The following NUDT21 variants were observed in gnomAD, a reference collection of about 807,000 sequenced individuals.
NUDT21 encodes nudix hydrolase 21.
A neutral mutation model predicts 29.8 loss-of-function variants in NUDT21; 5 were observed. The observed-to-expected ratio is 0.17, with a 90% confidence interval of 0.09 to 0.35. The LOEUF (loss-of-function observed/expected upper bound fraction) is 0.35, where lower values mean the gene tolerates loss of function less well. NUDT21 is among the 10% of genes least tolerant of loss of function. The pLI, the probability that NUDT21 is intolerant of heterozygous loss-of-function variation, is 1.00. For synonymous variants in NUDT21, 113 were observed against 98.5 expected (o/e 1.15, Z -0.87); for missense variants, 76 against 276.0 (o/e 0.28, Z 5.13).
intron 1 of NUDT21, among the ~76,000 whole-genome samples, chr16:56,448,714 A>G (rs933959651): frequency 3.3e-5 from 5 of 152,194 alleles, no homozygotes; most frequent in African/African-American, 7.2e-5. Context: ...ATCTTGCCTA[A>G]TAAGGATCAA....
Position 56,451,090 on chromosome 16 carries a change from T to C in NUDT21, c.113A>G (p.Asn38Ser). ...GCCAAGGCCGCGCCGCACTTACAGG[T>C]TGATGGTGCGCTCCAGGGTGAGGGG... Reference protein sequence around the residue: ...TKPLTLERTINLYPLTNYTFG... With the variant: ...TKPLTLERTISLYPLTNYTFG... Residue 38 changes from asparagine (N) to serine (S), a missense_variant, in exon 1 of 7, where the codon AAC (asparagine) becomes AGC (serine). By Grantham distance (46) the Asn-to-Ser change is conservative. Transcript: ENST00000300291. 1 of 1,612,686 alleles carries C rather than the reference T, an allele frequency of 6.2e-7. No homozygotes were observed. The highest frequency in any genetic ancestry group is 8.5e-7 in the Non-Finnish European group (1 of 1,179,002).
intron 3 of NUDT21, among the ~76,000 whole-genome samples, chr16:56,445,650 C>T (rs1962210789): frequency 6.6e-6 from 1 of 152,154 alleles, no homozygotes; most frequent in South Asian, 2.1e-4. Context: ...CCTTCAGTTC[C>T]TCAGTCATTC....
chr16:56,430,556 GCA>G lies in NUDT21; in HGVS notation c.*2154_*2155del, dbSNP rs1962022578. ...AGCATTTAGTATGTAGATCTGGAAT[GCA>G]CAGTTTCTGGAAGTATTAGAACTTA... is the stretch of plus-strand genomic sequence containing the variant. On this transcript the variant is annotated 3_prime_UTR_variant, in exon 7 of 7. Transcript: ENST00000300291. The G allele has an allele frequency of 6.6e-6, 1 of 152,212 alleles. No individual in the cohort carries two copies. The highest frequency in any genetic ancestry group is 1.5e-5 in the Non-Finnish European group (1 of 68,030). 9.4% of individuals were successfully genotyped at this position (152,212 alleles called of 1,614,324 possible).
In NUDT21 at chr16:56,447,781, C is replaced by A; in HGVS notation, c.317+8G>T. The A allele has an allele frequency of 1.2e-6, 2 of 1,613,526 alleles. No homozygotes were observed. The highest frequency in any genetic ancestry group is 1.7e-6 in the Non-Finnish European group (2 of 1,179,454). ...ACTGTCTTGCTGTTAATTTCCAACA[C>A]TACTTACAGTTTGAAGAAAGTTGTT... is the stretch of plus-strand genomic sequence containing the variant. On this transcript the variant is annotated splice_region_variant and intron_variant, in intron 2 of 6. Coordinates refer to ENST00000300291, the MANE Select transcript of NUDT21 (RefSeq NM_007006.3).
chr16:56,442,081 C>G (rs1962165355), intron 3 of NUDT21, among the ~76,000 whole-genome samples: 1 of 152,116 alleles, frequency 6.6e-6, no homozygotes, highest in Non-Finnish European at 1.5e-5. Context: ...AATTTTTCAC[C>G]ATGTTGCCAA....
At chr16:56,437,826 C>T (rs764210602) in intron 4 of NUDT21, among the ~76,000 whole-genome samples, 5 of 152,126 alleles carry the variant, frequency 3.3e-5, no homozygotes, top group African/African-American at 1.2e-4. Flanking sequence ...AAAGTCAAGT[C>T]TTTAGAGGAT....
chr16:56,449,458 G>A (rs1596958523), intron 1 of NUDT21, among the ~76,000 whole-genome samples: 2 of 152,150 alleles, frequency 1.3e-5, no homozygotes, highest in African/African-American at 4.8e-5. Flanking sequence ...GAGGGCATTT[G>A]TTTTCAACTT....
intron 4 of NUDT21, among the ~76,000 whole-genome samples, chr16:56,435,389 C>T (rs936184624): frequency 6.6e-6 from 1 of 151,916 alleles, no homozygotes; most frequent in Non-Finnish European, 1.5e-5. Context: ...GCTGGGATTA[C>T]AGGCATCAGC....
chr16:56,432,652 T>TATA lies in NUDT21; in HGVS notation c.*59_*60insTAT. On this transcript the variant is annotated 3_prime_UTR_variant, in exon 7 of 7. Coordinates refer to ENST00000300291, the MANE Select transcript of NUDT21 (RefSeq NM_007006.3). ...CTTTTCTACCACATTTATTCTACAC[T>TATA]GTATATAGCTGTGCTCACAGAGACA... 1 of 1,474,624 alleles carries TATA rather than the reference T, an allele frequency of 6.8e-7. No homozygotes were observed. Among genetic ancestry groups the TATA allele is most frequent in the South Asian group, 1.3e-5 (1 of 77,576 alleles). 91.3% of individuals were successfully genotyped at this position (1,474,624 alleles called of 1,614,324 possible).
chr16:56,436,014 A>G (rs1962100361), intron 4 of NUDT21, among the ~76,000 whole-genome samples: 1 of 147,232 alleles, frequency 6.8e-6, no homozygotes, highest in Admixed American at 6.8e-5. Context: ...ATATAAAAAT[A>G]TATATATAAT....
At chr16:56,435,619 G>C (rs1262964837) in intron 4 of NUDT21, among the ~76,000 whole-genome samples, 1 of 145,964 alleles carries the variant, frequency 6.9e-6, no homozygotes, top group Non-Finnish European at 1.5e-5. Flanking sequence ...CCAGCTACTC[G>C]GGAGGCTGAG....
At chr16:56,445,893 T>C (rs1962212745) in intron 3 of NUDT21, among the ~76,000 whole-genome samples, 1 of 152,210 alleles carries the variant, frequency 6.6e-6, no homozygotes, top group South Asian at 2.1e-4. Flanking sequence ...TTAGAAATAC[T>C]AGAAAGACAA....
At chr16:56,448,964 A>T (rs1290499485) in intron 1 of NUDT21, among the ~76,000 whole-genome samples, 2 of 152,214 alleles carry the variant, frequency 1.3e-5, no homozygotes, top group African/African-American at 4.8e-5. Flanking sequence ...TAATTCCAGA[A>T]GCCAAGTTCT....
At chr16:56,437,923 G>A (rs1022511459) in intron 4 of NUDT21, among the ~76,000 whole-genome samples, 4 of 151,976 alleles carry the variant, frequency 2.6e-5, no homozygotes, top group East Asian at 1.9e-4. Context: ...ACACACTTCA[G>A]TAATACATAA....
At chr16:56,434,985 C>A in intron 4 of NUDT21, 156 bp from the exon 5 acceptor site, 1 of 476,284 alleles carries the variant, frequency 2.1e-6, no homozygotes, top group Non-Finnish European at 3.7e-6. Context: ...TAAATAAATG[C>A]TTTAATGCAT....
rs147974805 is a variant in NUDT21, at chr16:56,436,415, G to A, written c.472-1586C>T. Among the ~76,000 whole-genome samples the A allele has an allele frequency of 4.8e-3, 725 of 152,284 alleles. 10 individuals are homozygous for A. Among genetic ancestry groups the A allele is most frequent in the African/African-American group, 0.016 (678 of 41,550 alleles). On this transcript the variant is annotated intron_variant, in intron 4 of 6. Transcript: ENST00000300291. ...CTCTTATCTAATTATAAAAGCCTATGTTATTTCCCACTGTGTTACTCATTG... is the reference window on the plus strand; with the variant it reads ...CTCTTATCTAATTATAAAAGCCTATATTATTTCCCACTGTGTTACTCATTG...
At chr16:56,435,414 TA>T (rs1962085656) in intron 4 of NUDT21, among the ~76,000 whole-genome samples, 1 of 151,474 alleles carries the variant, frequency 6.6e-6, no homozygotes, top group Admixed American at 6.6e-5. Context: ...ATGCCCAGCC[TA>T]AAAGCTGGTT....
chr16:56,446,259 C>T (rs1396057478), intron 3 of NUDT21, among the ~76,000 whole-genome samples: 3 of 152,166 alleles, frequency 2.0e-5, no homozygotes, highest in African/African-American at 7.2e-5. Context: ...GCATTCAAAC[C>T]TCTGGCTCTA....
chr16:56,451,020 G>C (rs1315479849), intron 1 of NUDT21, 67 bp downstream of exon 1: 1 of 1,356,502 alleles, frequency 7.4e-7, no homozygotes. Context: ...GAAAAGCCGG[G>C]GGCGCGTCGG....
Sources: allele counts gnomAD v4.1 joint callset (sites outside exome capture counted in the v4.1 genomes callset), GRCh38; gene constraint gnomAD v4.1.1; transcripts MANE v1.5; gene names NCBI Gene and HGNC (gene_info 2026-07-23, HGNC 2026-07-21).